MEGF10: variants seen among roughly 807,000 people sequenced by gnomAD.
MEGF10 encodes multiple EGF like domains 10.
Under a neutral mutation model 147.5 loss-of-function variants are expected in MEGF10, and 86 were observed. That is an observed-to-expected ratio of 0.58 (90% CI 0.49 to 0.70). MEGF10 has a LOEUF of 0.70. MEGF10 is among the 30% of genes least tolerant of loss of function. MEGF10 has a pLI of 0.00. For synonymous variants in MEGF10, 478 were observed against 525.5 expected (o/e 0.91, Z 1.24); for missense variants, 1,329 against 1,487.3 (o/e 0.89, Z 1.75).
chr5:127,422,706 G>A lies in MEGF10; in HGVS notation c.1627G>A (p.Asp543Asn), dbSNP rs927000363. Reference sequence around the variant, plus strand: ...CGGGCTGAACTGTGCTGAGCGCTGCGACTGCAGCCACGCAGATGGCTGCCA... The same window carrying A: ...CGGGCTGAACTGTGCTGAGCGCTGCAACTGCAGCCACGCAGATGGCTGCCA... ...TYGLNCAERC[D>N]CSHADGCHPT... The change falls in exon 13 of 25, where the codon GAC (aspartate) becomes AAC (asparagine). Residue 543 changes from aspartate to asparagine, a missense_variant. Asp to Asn is a conservative substitution (Grantham distance 23). This residue lies in a region of MEGF10 where 980 missense variants were observed against 1,085.9 expected (regional missense o/e 0.90). Transcript: ENST00000503335. The A allele has an allele frequency of 3.1e-6, 5 of 1,613,972 alleles. No homozygotes were observed. Among genetic ancestry groups the A allele is most frequent in the African/African-American group, 1.3e-5 (1 of 74,992 alleles).
At chr5:127,269,608 T>C in the MEGF10 span, among the ~76,000 whole-genome samples, 3 of 152,220 alleles carry the variant, frequency 2.0e-5, no homozygotes, top group East Asian at 5.8e-4. Flanking sequence ...CAAATCTATG[T>C]CTGATTGATG....
At chr5:127,330,605 A>G (rs1458280713) in intron 1 of MEGF10, among the ~76,000 whole-genome samples, 1 of 151,978 alleles carries the variant, frequency 6.6e-6, no homozygotes, top group Non-Finnish European at 1.5e-5. Context: ...ATTTTTTTCT[A>G]TGTATAATCT....
At chr5:127,253,936 T>C in the MEGF10 span, among the ~76,000 whole-genome samples, 1 of 152,122 alleles carries the variant, frequency 6.6e-6, no homozygotes. Flanking sequence ...GAAAAATAGT[T>C]CTTATTTAAA....
chr5:127,297,116 G>A (rs1475923975), intron 1 of MEGF10, among the ~76,000 whole-genome samples: 3 of 152,130 alleles, frequency 2.0e-5, no homozygotes, highest in Non-Finnish European at 4.4e-5. Context: ...ACAGGCATGT[G>A]TCAACATATC....
At chr5:127,341,869 A>G (rs1041855070) in intron 4 of MEGF10, among the ~76,000 whole-genome samples, 3 of 152,168 alleles carry the variant, frequency 2.0e-5, no homozygotes, top group African/African-American at 4.8e-5. Flanking sequence ...AATTTTACCT[A>G]TCGTAAACTA....
chr5:127,319,028 C>T (rs1436466342), intron 1 of MEGF10, among the ~76,000 whole-genome samples: 2 of 147,048 alleles, frequency 1.4e-5, no homozygotes, highest in Non-Finnish European at 3.0e-5. Context: ...TCATTACCTC[C>T]CTCCCTCCCT....
chr5:127,333,519 TA>T (rs1004127708), intron 2 of MEGF10, among the ~76,000 whole-genome samples: 2 of 34,764 alleles, frequency 5.8e-5, no homozygotes, highest in Non-Finnish European at 8.9e-5. Context: ...TCAAAAAAAA[TA>T]AAAATAAAAA....
At chr5:127,381,246 A>G (rs1444500287) in intron 5 of MEGF10, among the ~76,000 whole-genome samples, 2 of 152,266 alleles carry the variant, frequency 1.3e-5, no homozygotes, top group Non-Finnish European at 2.9e-5. Flanking sequence ...AATGCAGACT[A>G]CAAATTATTT....
At chr5:127,391,628 A>G (rs1417685487) in intron 5 of MEGF10, among the ~76,000 whole-genome samples, 1 of 151,894 alleles carries the variant, frequency 6.6e-6, no homozygotes, top group Non-Finnish European at 1.5e-5. Flanking sequence ...GGCTACCATT[A>G]TCACTGTAAG....
intron 22 of MEGF10, among the ~76,000 whole-genome samples, chr5:127,450,093 A>AT (rs1488504761): frequency 7.9e-5 from 12 of 152,242 alleles, no homozygotes; most frequent in Non-Finnish European, 1.0e-4. Flanking sequence ...AGATAGCTGG[A>AT]TTATCATGTC....
chr5:127,313,023 T>G (rs1370177841), intron 1 of MEGF10, among the ~76,000 whole-genome samples: 3 of 152,194 alleles, frequency 2.0e-5, no homozygotes, highest in African/African-American at 7.2e-5. Flanking sequence ...TGGCTCATCA[T>G]TAAAGGAAAT....
intron 1 of MEGF10, among the ~76,000 whole-genome samples, chr5:127,310,513 C>T: frequency 6.6e-6 from 1 of 151,904 alleles, no homozygotes; most frequent in African/African-American, 2.4e-5. Context: ...TTAAGGATAG[C>T]CCCTTTCTCT....
chr5:127,326,052 A>G (rs1346272849), intron 1 of MEGF10, among the ~76,000 whole-genome samples: 1 of 151,076 alleles, frequency 6.6e-6, no homozygotes, highest in Non-Finnish European at 1.5e-5. Flanking sequence ...AGTAGCTGGG[A>G]CTACAGGTGC....
intron 1 of MEGF10, among the ~76,000 whole-genome samples, chr5:127,295,362 A>G (rs768693701): frequency 1.2e-4 from 19 of 152,214 alleles, no homozygotes; most frequent in Non-Finnish European, 2.4e-4. Flanking sequence ...ACAGTTGACC[A>G]GCTCAAGTTC....
intron 14 of MEGF10, among the ~76,000 whole-genome samples, chr5:127,434,141 TTTAA>T (rs1229732842): frequency 1.3e-5 from 2 of 152,230 alleles, no homozygotes; most frequent in Non-Finnish European, 2.9e-5. Context: ...TTATCATATA[TTTAA>T]ATCTGAATAG....
At position 127,360,448 on chromosome 5, in the gene MEGF10, T is replaced by G. The variant is rs72788511; in HGVS notation, c.320-9462T>G. 9.9e-3 allele frequency among the ~76,000 whole-genome samples: 1,503 copies of G among 152,136 alleles called. 13 individuals are homozygous for G. The highest frequency in any genetic ancestry group is 0.024 in the Middle Eastern group (7 of 294). On this transcript the variant is annotated intron_variant, in intron 4 of 24. Coordinates refer to ENST00000503335, the MANE Select transcript of MEGF10 (RefSeq NM_001256545.2). Reference sequence around the variant, plus strand: ...AAATTAAGGCAGTTTTACTTCTTCCTTCCTAATCTATATAAGCTTTATTTC... The same window carrying G: ...AAATTAAGGCAGTTTTACTTCTTCCGTCCTAATCTATATAAGCTTTATTTC...
chr5:127,255,050 T>G, the MEGF10 span, among the ~76,000 whole-genome samples: 1 of 151,610 alleles, frequency 6.6e-6, no homozygotes, highest in African/African-American at 2.4e-5. Flanking sequence ...GGCCAGGGAA[T>G]GAGTGCTGTT....
At chr5:127,240,048 C>T in the MEGF10 span, among the ~76,000 whole-genome samples, 11 of 152,270 alleles carry the variant, frequency 7.2e-5, no homozygotes, top group East Asian at 2.1e-3. Context: ...CAAAGTCTAT[C>T]GAGTATTTTA....
chr5:127,408,159 G>T (rs950275244), intron 8 of MEGF10, among the ~76,000 whole-genome samples: 4 of 152,032 alleles, frequency 2.6e-5, no homozygotes, highest in Admixed American at 6.6e-5. Flanking sequence ...TATACACACT[G>T]GTTCCCTGTA....
Sources: gnomAD v4.1 joint callset for allele counts (sites outside exome capture counted in the v4.1 genomes callset) on GRCh38, gnomAD v4.1.1 for gene constraint, gnomAD v4.1.1 regional missense constraint, MANE v1.5 for transcripts, NCBI Gene and HGNC (gene_info 2026-07-23, HGNC 2026-07-21) for gene names.